The following AGPAT5 variants were observed in gnomAD, a reference collection of about 807,000 sequenced individuals.
AGPAT5 encodes 1-acylglycerol-3-phosphate O-acyltransferase 5.
AGPAT5 carries 46 observed loss-of-function variants against 45.6 expected under a neutral mutation model. The observed-to-expected ratio is 1.01, with a 90% confidence interval of 0.80 to 1.29. AGPAT5 has a LOEUF of 1.29. Ranked by LOEUF, AGPAT5 falls within the 50% of genes most tolerant of loss-of-function variation. The probability of loss-of-function intolerance (pLI) is 0.00; values close to 1 mark genes in which losing one functional copy is unlikely to be tolerated. For missense variants in AGPAT5, 673 were observed against 450.7 expected (o/e 1.49, Z -4.47); for synonymous variants, 272 against 167.0 (o/e 1.63, Z -4.85).
At position 6,747,788 on chromosome 8, in the gene AGPAT5, A is replaced by G. The variant is rs140609804; in HGVS notation, c.705A>G (p.Lys235=). 622 of 1,614,190 alleles carry G rather than the reference A, an allele frequency of 3.9e-4. 4 individuals carry two copies. In the African/African-American group the frequency reaches 7.6e-3, roughly 20 times the overall value. The change falls in exon 6 of 8, where the codon AAA becomes AAG. Residue 235 remains lysine (K), a synonymous_variant. Coordinates refer to ENST00000285518, the MANE Select transcript of AGPAT5 (RefSeq NM_018361.5). The part of the protein sequence containing the change: ...IYDVTVVYEG[K]DDGGQRRESP... ...ATGTTACGGTGGTTTATGAAGGGAA[A>G]GACGATGGAGGGCAGCGAAGAGAGT...
At chr8:6,750,937 T>C (rs1801636794) in intron 6 of AGPAT5, among the ~76,000 whole-genome samples, 1 of 152,268 alleles carries the variant, frequency 6.6e-6, no homozygotes, top group African/African-American at 2.4e-5. Context: ...TGAGACATTA[T>C]TCAACATGTA....
chr8:6,719,934 C>G (rs1800447876), intron 1 of AGPAT5, among the ~76,000 whole-genome samples: 2 of 152,126 alleles, frequency 1.3e-5, no homozygotes, highest in African/African-American at 4.8e-5. Flanking sequence ...ACACCTTTGA[C>G]CTCAGTGACT....
intron 5 of AGPAT5, among the ~76,000 whole-genome samples, chr8:6,746,715 C>T (rs1176815416): frequency 1.3e-5 from 2 of 152,206 alleles, no homozygotes; most frequent in African/African-American, 4.8e-5. Flanking sequence ...TTGTGTGGGA[C>T]AGTCCCACCA....
chr8:6,719,430 T>G (rs1435871107), intron 1 of AGPAT5, among the ~76,000 whole-genome samples: 1 of 152,116 alleles, frequency 6.6e-6, no homozygotes, highest in Non-Finnish European at 1.5e-5. Context: ...ATTAGAAACA[T>G]AAAGCCTTCC....
intron 4 of AGPAT5, among the ~76,000 whole-genome samples, chr8:6,736,508 T>G (rs1801057743): frequency 6.6e-6 from 1 of 152,276 alleles, no homozygotes; most frequent in Non-Finnish European, 1.5e-5. Context: ...AAGTCTTGTC[T>G]GAGTCACTTG....
chr8:6,746,134 A>C (rs910592929), intron 5 of AGPAT5: 1 of 151,824 alleles, frequency 6.6e-6, no homozygotes, highest in Non-Finnish European at 1.5e-5. Flanking sequence ...AGGCTAAAGC[A>C]GTCCTCCTGA....
chr8:6,746,786 A>T (rs945559686), intron 5 of AGPAT5, among the ~76,000 whole-genome samples: 5 of 152,224 alleles, frequency 3.3e-5, no homozygotes, highest in Non-Finnish European at 5.9e-5. Flanking sequence ...TAGAAAATCT[A>T]GACTAGTTTT....
chr8:6,757,643 T>C lies in AGPAT5; in HGVS notation c.*255T>C. ...AGTTTCTCCTGCTCTGTCCATTTCC[T>C]ATGAACTAATGACAACTTGAGAAGG... On this transcript the variant is annotated 3_prime_UTR_variant, in exon 8 of 8. Transcript: ENST00000285518. 2.8e-6 allele frequency: 1 copy of C among 357,644 alleles called. No homozygotes were observed. The highest frequency in any genetic ancestry group is 5.1e-6 in the Non-Finnish European group (1 of 197,180). The allele number at this position is 357,644 out of a possible 1,614,324, so 22.2% of individuals were successfully genotyped here. A position where few individuals can be genotyped will look rare whatever the true frequency, so the allele number is the denominator to read the frequency against.
intron 4 of AGPAT5, among the ~76,000 whole-genome samples, chr8:6,734,918 A>T (rs544727485): frequency 6.6e-6 from 1 of 151,992 alleles, no homozygotes; most frequent in African/African-American, 2.4e-5. Context: ...CTCAGTGTCT[A>T]TTTCACACTC....
chr8:6,755,921 T>C (rs1801818035), intron 7 of AGPAT5, among the ~76,000 whole-genome samples: 1 of 152,196 alleles, frequency 6.6e-6, no homozygotes, highest in Admixed American at 6.5e-5. Flanking sequence ...AGGACCACTT[T>C]GGCCCATGGA....
At chr8:6,744,766 C>T (rs1054663628) in intron 5 of AGPAT5, among the ~76,000 whole-genome samples, 3 of 152,234 alleles carry the variant, frequency 2.0e-5, no homozygotes, top group Non-Finnish European at 4.4e-5. Context: ...GGCCCTTCTG[C>T]AGCTTGCAGG....
chr8:6,730,684 C>T (rs200898253), intron 2 of AGPAT5, 27 bp from the exon 3 acceptor site: 138 of 1,511,894 alleles, frequency 9.1e-5, no homozygotes, highest in East Asian at 5.2e-4. Context: ...GCCTCATGTA[C>T]GCGCTAACTG....
rs769939936 is a variant in AGPAT5, at chr8:6,747,802, A to G, written c.719A>G (p.Gln240Arg). Residue 240 changes from glutamine (Q) to arginine (R), a missense_variant, in exon 6 of 8, where the codon CAG becomes CGG. Gln to Arg is a conservative substitution (Grantham distance 43, BLOSUM62 1). Coordinates refer to ENST00000285518, the MANE Select transcript of AGPAT5 (RefSeq NM_018361.5). ...VVYEGKDDGG[Q>R]RRESPTMTEF... is the part of the protein sequence containing the mutation. ...TATGAAGGGAAAGACGATGGAGGGC[A>G]GCGAAGAGAGTCACCGACCATGACG... 6.2e-7 allele frequency: 1 copy of G among 1,614,210 alleles called. No homozygotes were observed. Among genetic ancestry groups the G allele is most frequent in the Non-Finnish European group, 8.5e-7 (1 of 1,180,036 alleles).
At chr8:6,730,690 A>C (rs1445991352) in intron 2 of AGPAT5, 21 bp from the exon 3 acceptor site, 15 of 1,567,646 alleles carry the variant, frequency 9.6e-6, no homozygotes, top group Non-Finnish European at 1.3e-5. Flanking sequence ...TGTACGCGCT[A>C]ACTGGGTCCT....
intron 1 of AGPAT5, among the ~76,000 whole-genome samples, chr8:6,710,761 T>C (rs1228212735): frequency 1.3e-5 from 2 of 152,332 alleles, no homozygotes; most frequent in African/African-American, 4.8e-5. Context: ...GAGGAATAAA[T>C]AGCTATCTTC....
At chr8:6,718,335 T>G (rs1274758823) in intron 1 of AGPAT5, among the ~76,000 whole-genome samples, 1 of 152,216 alleles carries the variant, frequency 6.6e-6, no homozygotes, top group Non-Finnish European at 1.5e-5. Context: ...CTGGCTTTGA[T>G]GCTTGCTTTC....
In AGPAT5 at chr8:6,758,324, T is replaced by G. The variant is rs1210779245; in HGVS notation, c.*936T>G. The G allele has an allele frequency of 6.5e-6, 1 of 152,674 alleles. No homozygotes were observed. Among genetic ancestry groups the G allele is most frequent in the Non-Finnish European group, 1.5e-5 (1 of 68,042 alleles). 9.5% of individuals were successfully genotyped at this position (152,674 alleles called of 1,614,324 possible). ...GCCTAGATTTACTAGCGTGTGCCTT[T>G]TGCCTGCTTCTCTTTGATTTCACAG... On this transcript the variant is annotated 3_prime_UTR_variant, in exon 8 of 8. Coordinates refer to ENST00000285518, the MANE Select transcript of AGPAT5 (RefSeq NM_018361.5).
intron 2 of AGPAT5, among the ~76,000 whole-genome samples, chr8:6,728,750 G>C (rs1162232380): frequency 6.6e-6 from 1 of 152,166 alleles, no homozygotes; most frequent in Non-Finnish European, 1.5e-5. Context: ...TTAGTTCTCA[G>C]AATTTATTGT....
At chr8:6,755,997 T>TG (rs1407267333) in intron 7 of AGPAT5, among the ~76,000 whole-genome samples, 3 of 152,212 alleles carry the variant, frequency 2.0e-5, no homozygotes, top group Non-Finnish European at 4.4e-5. Flanking sequence ...AAGACTAATG[T>TG]ATTTAATGTC....
Sources: allele counts gnomAD v4.1 joint callset (sites outside exome capture counted in the v4.1 genomes callset), GRCh38; gene constraint gnomAD v4.1.1; transcripts MANE v1.5; gene names NCBI Gene and HGNC (gene_info 2026-07-23, HGNC 2026-07-21).